Variants in ZSWIM3 observed in about 807,000 individuals in gnomAD.
ZSWIM3 encodes the protein zinc finger SWIM-type containing 3, also known as zinc finger SWIM domain-containing protein 3.
In ZSWIM3, 27 loss-of-function variants were observed where a neutral mutation model predicts 47.5. That is an observed-to-expected ratio of 0.57 (90% CI 0.42 to 0.78). ZSWIM3 has a LOEUF of 0.78. Ranked by LOEUF, ZSWIM3 falls within the 30% of genes least tolerant of loss-of-function variation. ZSWIM3 has a pLI of 0.00. For missense variants in ZSWIM3, 689 were observed against 861.3 expected (o/e 0.80, Z 2.50); for synonymous variants, 333 against 333.9 (o/e 1.00, Z 0.03).
intron 1 of ZSWIM3, among the ~76,000 whole-genome samples, chr20:45,869,289 C>T (rs898568939): frequency 3.3e-5 from 5 of 151,570 alleles, no homozygotes; most frequent in Non-Finnish European, 7.4e-5. Context: ...GAGGCCAAGA[C>T]AGGTGGATTG....
chr20:45,878,088 C>T lies in ZSWIM3; in HGVS notation c.1530C>T (p.Cys510=). The part of the protein sequence containing the change: ...QSGSELAYKL[C]HNEWEVVQNS... ...GCTCTGAACTAGCCTACAAGCTGTG[C>T]CACAATGAGTGGGAGGTGGTACAGA... The change falls in exon 2 of 2, where the codon TGC becomes TGT. Residue 510 remains cysteine, a synonymous_variant. Coordinates refer to ENST00000255152, the MANE Select transcript of ZSWIM3 (RefSeq NM_080752.4). 1.2e-6 allele frequency: 2 copies of T among 1,614,166 alleles called. No homozygotes were observed. The highest frequency in any genetic ancestry group is 1.7e-6 in the Non-Finnish European group (2 of 1,180,028).
At chr20:45,869,905 G>A (rs1477409846) in intron 1 of ZSWIM3, among the ~76,000 whole-genome samples, 1 of 150,976 alleles carries the variant, frequency 6.6e-6, no homozygotes, top group Non-Finnish European at 1.5e-5. Flanking sequence ...TTAACCAGGC[G>A]TGGTGGCGGG....
At chr20:45,866,677 T>C (rs1325539836) in intron 1 of ZSWIM3, among the ~76,000 whole-genome samples, 1 of 151,792 alleles carries the variant, frequency 6.6e-6, no homozygotes, top group East Asian at 2.0e-4. Context: ...TGACATGTTC[T>C]TGTGGTCCCA....
At chr20:45,858,362 GTTCA>G (rs749955087) in intron 1 of ZSWIM3, among the ~76,000 whole-genome samples, 5 of 152,178 alleles carry the variant, frequency 3.3e-5, no homozygotes, top group South Asian at 2.1e-4. Context: ...TGGAATGTTC[GTTCA>G]TTCATTCATT....
intron 1 of ZSWIM3, among the ~76,000 whole-genome samples, chr20:45,868,712 G>C (rs967119181): frequency 4.6e-5 from 7 of 152,088 alleles, no homozygotes; most frequent in African/African-American, 1.7e-4. Flanking sequence ...ACTAGGAAAA[G>C]AATAGTTGCT....
intron 1 of ZSWIM3, among the ~76,000 whole-genome samples, chr20:45,867,335 A>C (rs894242177): frequency 6.6e-5 from 10 of 152,140 alleles, no homozygotes; most frequent in African/African-American, 2.2e-4. Context: ...CACACAAAAG[A>C]ACAGTTGGAG....
rs909362544 is a variant in ZSWIM3, at chr20:45,878,866, AGTT to A, written c.*224_*226del. 9.8e-6 allele frequency: 6 copies of A among 614,078 alleles called. No individual in the cohort carries two copies. Among genetic ancestry groups the A allele is most frequent in the South Asian group, 2.5e-5 (1 of 39,316 alleles). The allele number at this position is 614,078 out of a possible 1,614,324, so 38.0% of individuals were successfully genotyped here. On this transcript the variant is annotated 3_prime_UTR_variant, in exon 2 of 2. Transcript: ENST00000255152. The stretch of plus-strand genomic sequence containing the variant: ...ACTTTTGGCATTCCTTGGGAGCCTC[AGTT>A]GTTGTTCAAGGCCAAAGTTATCTCC...
chr20:45,870,961 C>G (rs1985962026), intron 1 of ZSWIM3, among the ~76,000 whole-genome samples: 1 of 152,148 alleles, frequency 6.6e-6, no homozygotes, highest in Non-Finnish European at 1.5e-5. Flanking sequence ...TCCCAAAATG[C>G]TAGGATTACA....
intron 1 of ZSWIM3, among the ~76,000 whole-genome samples, chr20:45,859,811 A>AAAAAAC (rs1985659910): frequency 6.7e-6 from 1 of 149,404 alleles, no homozygotes; most frequent in African/African-American, 2.4e-5. Flanking sequence ...AAAAAAAAAA[A>AAAAAAC]AAAAACCACA....
At chr20:45,871,679 AT>A (rs1045552542) in intron 1 of ZSWIM3, among the ~76,000 whole-genome samples, 55 of 150,898 alleles carry the variant, frequency 3.6e-4, no homozygotes, top group African/African-American at 1.3e-3. Context: ...GTGAAACCCC[AT>A]CTCTACTAAA....
Position 45,878,599 on chromosome 20 carries a change from CAAG to C in ZSWIM3, c.2048_2050del (p.Glu683del), listed in dbSNP as rs767424682. The C allele has an allele frequency of 2.6e-4, 427 of 1,613,318 alleles. 6 individuals are homozygous for C. In the South Asian group the frequency reaches 4.1e-3, roughly 16 times the overall value. On this transcript the variant is annotated inframe_deletion, in exon 2 of 2. Transcript: ENST00000255152. ...CCGCCTCCCTTTCCTCTGGGGAAAG[CAAG>C]AAGAAGGGGAGGGATTCCCTCCTGC...
chr20:45,859,816 A>ACAAAAAAAC (rs1985661243), intron 1 of ZSWIM3, among the ~76,000 whole-genome samples: 1 of 129,304 alleles, frequency 7.7e-6, no homozygotes, highest in Non-Finnish European at 1.6e-5. Flanking sequence ...AAAAAAAAAA[A>ACAAAAAAAC]CCACAGTTGC....
chr20:45,866,971 G>A (rs1440069905), intron 1 of ZSWIM3, among the ~76,000 whole-genome samples: 2 of 145,502 alleles, frequency 1.4e-5, no homozygotes, highest in Admixed American at 7.0e-5. Context: ...AAAAGTTCAC[G>A]TCAAAAAAAT....
chr20:45,873,890 C>G (rs993421317), intron 1 of ZSWIM3, among the ~76,000 whole-genome samples: 13 of 152,134 alleles, frequency 8.5e-5, no homozygotes, highest in Admixed American at 6.5e-4. Flanking sequence ...CAAAGACTTT[C>G]TAAGGTGGTG....
intron 1 of ZSWIM3, among the ~76,000 whole-genome samples, chr20:45,862,923 A>G (rs945399228): frequency 6.6e-6 from 1 of 152,246 alleles, no homozygotes; most frequent in African/African-American, 2.4e-5. Context: ...GGCATGAGCC[A>G]CTGTGCCTGG....
At position 45,878,291 on chromosome 20, in the gene ZSWIM3, C is replaced by A; in HGVS notation, c.1733C>A (p.Ala578Asp). ...LHTSQQPVGE[A>D]MVCRRWQKKY... ...ACCAGCCAGCAGCCGGTTGGTGAAGCCATGGTGTGCCGCCGGTGGCAGAAG... is the reference window on the plus strand; with the variant it reads ...ACCAGCCAGCAGCCGGTTGGTGAAGACATGGTGTGCCGCCGGTGGCAGAAG... Residue 578 changes from alanine (A) to aspartate (D), a missense_variant, in exon 2 of 2, where the codon GCC becomes GAC. Ala to Asp is a moderately radical substitution (Grantham distance 126). Coordinates refer to ENST00000255152, the MANE Select transcript of ZSWIM3 (RefSeq NM_080752.4). The A allele has an allele frequency of 6.2e-7, 1 of 1,614,218 alleles. No homozygotes were observed. Among genetic ancestry groups the A allele is most frequent in the Non-Finnish European group, 8.5e-7 (1 of 1,180,038 alleles).
At chr20:45,865,976 G>A (rs1280493047) in intron 1 of ZSWIM3, among the ~76,000 whole-genome samples, 37 of 137,318 alleles carry the variant, frequency 2.7e-4, no homozygotes, top group African/African-American at 9.3e-4. Context: ...CTGGATGACA[G>A]AGTGAGACTC....
intron 1 of ZSWIM3, among the ~76,000 whole-genome samples, chr20:45,859,857 G>A (rs1218321473): frequency 1.3e-5 from 2 of 149,110 alleles, no homozygotes; most frequent in African/African-American, 2.5e-5. Flanking sequence ...GACCATCTCA[G>A]GTGGCTAGCA....
rs750975103 is a variant in ZSWIM3 at position 45,876,898 on chromosome 20, A to G, written c.340A>G (p.Thr114Ala). ...TAAAGTGGCTAGTCCTGGAGGAGAC[A>G]CCACTGGCAAATCTCAAAAGACAAT... ...DSKVASPGGD[T>A]TGKSQKTMCL... The change falls in exon 2 of 2, where the codon ACC becomes GCC. Residue 114 changes from threonine (T) to alanine (A), a missense_variant. Coordinates refer to ENST00000255152, the MANE Select transcript of ZSWIM3 (RefSeq NM_080752.4). 3.2e-5 allele frequency: 52 copies of G among 1,614,062 alleles called. No homozygotes were observed. Among genetic ancestry groups the G allele is most frequent in the Non-Finnish European group, 4.2e-5 (50 of 1,180,048 alleles).
Sources: gnomAD v4.1 joint callset for allele counts (sites outside exome capture counted in the v4.1 genomes callset) on GRCh38, gnomAD v4.1.1 for gene constraint, MANE v1.5 for transcripts, NCBI Gene and HGNC (gene_info 2026-07-23, HGNC 2026-07-21) for gene names.